The following ADGB variants were observed in gnomAD, a reference collection of about 807,000 sequenced individuals.
ADGB encodes the protein androglobin, also known as calpain-7-like protein.
In ADGB, 172 loss-of-function variants were observed where a neutral mutation model predicts 210.5. The ratio of observed to expected loss-of-function variants is 0.82; its 90% CI spans 0.72 to 0.93. The LOEUF (loss-of-function observed/expected upper bound fraction) is 0.93. Ranked by LOEUF, ADGB falls within the 40% of genes least tolerant of loss-of-function variation. The pLI, the probability that ADGB is intolerant of heterozygous loss-of-function variation, is 0.00. For missense variants in ADGB, 2,025 were observed against 1,964.8 expected (o/e 1.03, Z -0.58); for synonymous variants, 658 against 662.7 (o/e 0.99, Z 0.11).
intron 11 of ADGB, among the ~76,000 whole-genome samples, chr6:146,692,290 TTTCTTTCTTCTGG>T (rs1329248890): frequency 1.8e-4 from 27 of 152,142 alleles, no homozygotes; most frequent in African/African-American, 5.3e-4. Context: ...TCATTGAGAA[TTTCTTTCTTCTGG>T]ATCAGCCTCA....
intron 1 of ADGB, among the ~76,000 whole-genome samples, chr6:146,622,202 A>C (rs1403922698): frequency 6.6e-6 from 1 of 152,084 alleles, no homozygotes; most frequent in South Asian, 2.1e-4. Context: ...GCTGTAAAAC[A>C]TTACCAGGAA....
rs542625902 is a variant in ADGB, at chr6:146,706,851, T to TTG, written c.1707+5782_1707+5783insGT. Reference sequence around the variant, plus strand: ...TTTCAAAGATCAGCTTAGTGTTTTTTTTTTTTTTTTTACTTTTCTTGTTTA... The same window carrying TTG: ...TTTCAAAGATCAGCTTAGTGTTTTTTTGTTTTTTTTTTTACTTTTCTTGTTTA... On this transcript the variant is annotated intron_variant, in intron 13 of 35. Transcript: ENST00000397944. Among the ~76,000 whole-genome samples the TTG allele has an allele frequency of 2.7e-4, 41 of 150,522 alleles. No homozygotes were observed. The South Asian group carries it at 2.9e-3, about 11-fold the overall frequency.
intron 29 of ADGB, among the ~76,000 whole-genome samples, chr6:146,778,311 G>T (rs1002911419): frequency 6.6e-5 from 10 of 152,256 alleles, no homozygotes; most frequent in Admixed American, 6.5e-4. Context: ...GAGGCCTGAG[G>T]AGACTGAAAA....
chr6:146,721,739 G>A (rs1776818426), intron 17 of ADGB, among the ~76,000 whole-genome samples: 1 of 152,188 alleles, frequency 6.6e-6, no homozygotes, highest in South Asian at 2.1e-4. Flanking sequence ...TCAGGAGGCT[G>A]AAGCAGGACA....
At chr6:146,733,438 C>T (rs2114587505) in intron 21 of ADGB, among the ~76,000 whole-genome samples, 183 bp downstream of exon 21, 1 of 152,224 alleles carries the variant, frequency 6.6e-6, no homozygotes, top group African/African-American at 2.4e-5. Flanking sequence ...CCCTAATCCC[C>T]ACCACATATA....
intron 20 of ADGB, 110 bp from the exon 21 acceptor site, chr6:146,733,010 T>A: frequency 2.3e-6 from 2 of 888,210 alleles, no homozygotes; most frequent in Non-Finnish European, 3.2e-6. Flanking sequence ...TGCGTGTACA[T>A]CTGAGAAATG....
At chr6:146,700,195 A>G (rs759035039) in intron 12 of ADGB, among the ~76,000 whole-genome samples, 7 of 152,174 alleles carry the variant, frequency 4.6e-5, no homozygotes, top group Non-Finnish European at 7.4e-5. Flanking sequence ...TCTTAGGAAC[A>G]CTGTCTTTGT....
Position 146,769,460 on chromosome 6 carries a change from G to T in ADGB, c.3862+329G>T, listed in dbSNP as rs1777623238. ...TTTTTCTATTTATAAAATTATATTT[G>T]CCCATATTTTTTGAGAATATATAGC... On this transcript the variant is annotated intron_variant, in intron 29 of 35. Transcript: ENST00000397944. Among the ~76,000 whole-genome samples, 3 of 151,868 alleles carry T rather than the reference G, an allele frequency of 2.0e-5. 1 individual carries two copies. The highest frequency in any genetic ancestry group is 2.0e-4 in the Admixed American group (3 of 15,248).
At chr6:146,755,671 A>G (rs1777396580) in intron 27 of ADGB, among the ~76,000 whole-genome samples, 1 of 152,120 alleles carries the variant, frequency 6.6e-6, no homozygotes, top group Non-Finnish European at 1.5e-5. Context: ...ACAGACTAAT[A>G]TAAAATGCAA....
chr6:146,634,586 G>T (rs909143029), intron 1 of ADGB, among the ~76,000 whole-genome samples: 6 of 151,894 alleles, frequency 4.0e-5, no homozygotes, highest in Admixed American at 6.6e-5. Context: ...AGCAATATGG[G>T]AATTGTAATA....
intron 32 of ADGB, among the ~76,000 whole-genome samples, chr6:146,787,951 A>G (rs1324685706): frequency 6.6e-6 from 1 of 152,188 alleles, no homozygotes; most frequent in Non-Finnish European, 1.5e-5. Context: ...ATGATGTCAC[A>G]AGAAAGAGCT....
At chr6:146,795,884 T>A (rs1311149325) in intron 33 of ADGB, among the ~76,000 whole-genome samples, 3 of 152,050 alleles carry the variant, frequency 2.0e-5, no homozygotes, top group African/African-American at 7.2e-5. Flanking sequence ...GAAAATGTGG[T>A]ACATATGCAC....
At chr6:146,718,008 T>A (rs2114567178) in intron 16 of ADGB, among the ~76,000 whole-genome samples, 1 of 152,048 alleles carries the variant, frequency 6.6e-6, no homozygotes, top group African/African-American at 2.4e-5. Flanking sequence ...CTGCCAGGAG[T>A]TTCTGTCCTT....
intron 27 of ADGB, among the ~76,000 whole-genome samples, chr6:146,762,807 A>G (rs968960078): frequency 5.9e-5 from 9 of 152,192 alleles, no homozygotes; most frequent in African/African-American, 1.9e-4. Flanking sequence ...ATATTCACTG[A>G]ATTCCCTTCA....
intron 27 of ADGB, among the ~76,000 whole-genome samples, chr6:146,762,493 T>G (rs1350396380): frequency 6.6e-6 from 1 of 152,172 alleles, no homozygotes; most frequent in Non-Finnish European, 1.5e-5. Context: ...GAGTCCAACA[T>G]TTTTATCAGC....
In ADGB at chr6:146,692,886, A is replaced by T. The variant is rs757703729; in HGVS notation, c.1548A>T (p.Arg516Ser). ...TTTCAAGTCCATTTTTGAATTATAGAATGACTCCATTTACAATTCCAACAG... is the reference window on the plus strand; with the variant it reads ...TTTCAAGTCCATTTTTGAATTATAGTATGACTCCATTTACAATTCCAACAG... ...LEISSPFLNY[R>S]MTPFTIPTEM... The change falls in exon 12 of 36, where the codon AGA becomes AGT. Residue 516 changes from arginine (R) to serine (S), a missense_variant. Coordinates refer to ENST00000397944, the MANE Select transcript of ADGB (RefSeq NM_024694.4). 1.3e-6 allele frequency: 2 copies of T among 1,535,428 alleles called. No individual in the cohort carries two copies. The highest frequency in any genetic ancestry group is 1.8e-6 in the Non-Finnish European group (2 of 1,135,348).
At chr6:146,806,132 G>A (rs1425773362) in intron 35 of ADGB, among the ~76,000 whole-genome samples, 1 of 152,218 alleles carries the variant, frequency 6.6e-6, no homozygotes, top group Non-Finnish European at 1.5e-5. Context: ...GGAATTTCAG[G>A]ATTGCTGTTT....
chr6:146,688,326 T>G (rs969110532), intron 10 of ADGB, among the ~76,000 whole-genome samples: 2 of 152,042 alleles, frequency 1.3e-5, no homozygotes, highest in Non-Finnish European at 2.9e-5. Flanking sequence ...CAGAAACATG[T>G]CATCCTTTCT....
chr6:146,689,055 A>G (rs1776268301), intron 10 of ADGB, among the ~76,000 whole-genome samples: 2 of 152,052 alleles, frequency 1.3e-5, no homozygotes, highest in South Asian at 4.1e-4. Context: ...TGTAGATCTG[A>G]GAGTTTTAAT....
Sources: allele counts gnomAD v4.1 joint callset (sites outside exome capture counted in the v4.1 genomes callset), GRCh38; gene constraint gnomAD v4.1.1; transcripts MANE v1.5; gene names NCBI Gene and HGNC (gene_info 2026-07-23, HGNC 2026-07-21).